Variants in NUB1 observed in about 807,000 individuals in gnomAD.
The protein encoded by NUB1 is negative regulator of ubiquitin like proteins 1, also known as NEDD8 ultimate buster 1.
A neutral mutation model predicts 77.1 loss-of-function variants in NUB1; 41 were observed. The ratio of observed to expected loss-of-function variants is 0.53; its 90% confidence interval spans 0.41 to 0.69. The LOEUF (loss-of-function observed/expected upper bound fraction) is 0.69, where lower values mean the gene tolerates loss of function less well. Among genes scored for constraint, NUB1 ranks in the 30% least tolerant of loss-of-function variants. The pLI is 0.00. For synonymous variants in NUB1, 257 were observed against 281.0 expected, an observed-to-expected ratio of 0.91 and a Z score of 0.85; for missense variants, 643 against 743.8, an observed-to-expected ratio of 0.86 and a Z score of 1.58.
chr7:151,347,564 T>A (rs962409064), intron 2 of NUB1, among the ~76,000 whole-genome samples: 4 of 152,152 alleles, frequency 2.6e-5, no homozygotes, highest in African/African-American at 7.2e-5. Flanking sequence ...CTCAAGTGAT[T>A]CTCCCACCTC....
chr7:151,375,729 C>G, intron 12 of NUB1, 119 bp from the exon 13 acceptor site: 1 of 682,738 alleles, frequency 1.5e-6, no homozygotes, highest in East Asian at 2.7e-5. Context: ...GAGCCCCTTT[C>G]TCTGCCTCAT....
At chr7:151,366,371 C>T (rs1028003307) in intron 8 of NUB1, among the ~76,000 whole-genome samples, 2 of 152,042 alleles carry the variant, frequency 1.3e-5, no homozygotes, top group African/African-American at 2.4e-5. Flanking sequence ...ATTCATAGTA[C>T]GTAGGGATTT....
At position 151,373,970 on chromosome 7, in the gene NUB1, G is replaced by GC. The variant is rs897328976; in HGVS notation, c.1249-122dup. 6.0e-6 allele frequency: 6 copies of GC among 1,002,082 alleles called. No homozygotes were observed. The African/African-American group carries it at 6.5e-5, about 11-fold the overall frequency. 62.1% of individuals were successfully genotyped at this position (1,002,082 alleles called of 1,614,324 possible). A position where few individuals can be genotyped will look rare whatever the true frequency, so the allele number is the denominator to read the frequency against. ...CTGGGTGAGGAGAGGTAGAAAGAGG[G>GC]CCCCCTGTGCTTTGCTTTGGTTTTT... On this transcript the variant is annotated intron_variant, in intron 11 of 14. Transcript: ENST00000568733.
intron 13 of NUB1, chr7:151,376,185 T>C (rs1798227439): frequency 2.0e-6 from 1 of 512,312 alleles, no homozygotes; most frequent in Non-Finnish European, 3.6e-6. Context: ...TTGCTGCCTT[T>C]GTCTATGCAC....
Position 151,377,061 on chromosome 7 carries a change from T to G in NUB1, c.1684T>G (p.Ser562Ala). 6.4e-7 allele frequency: 1 copy of G among 1,560,188 alleles called. No individual in the cohort carries two copies. The highest frequency in any genetic ancestry group is 8.7e-7 in the Non-Finnish European group (1 of 1,155,234). Reference sequence around the variant, plus strand: ...TTTTATTGTAGGAACCTCTAGTGCCTCAACAGACGAAGACATGGAGACAGA... The same window carrying G: ...TTTTATTGTAGGAACCTCTAGTGCCGCAACAGACGAAGACATGGAGACAGA... ...PSDSAGTSSASTDEDMETEAV... is the reference protein window; with the variant it reads ...PSDSAGTSSAATDEDMETEAV... Residue 562 changes from serine (S) to alanine (A), a missense_variant, in exon 15 of 15, where the codon TCA (serine) becomes GCA (alanine). Coordinates refer to ENST00000568733, the MANE Select transcript of NUB1 (RefSeq NM_001243351.2).
rs1245671821 is a variant in NUB1 at position 151,378,023 on chromosome 7, T to TATC, written c.*800_*802dup. The TATC allele has an allele frequency of 6.6e-6, 1 of 152,286 alleles. No individual in the cohort carries two copies. The highest frequency in any genetic ancestry group is 1.9e-4 in the East Asian group (1 of 5,208). 9.4% of individuals were successfully genotyped at this position (152,286 alleles called of 1,614,324 possible). A position where few individuals can be genotyped will look rare whatever the true frequency, so the allele number is the denominator to read the frequency against. On this transcript the variant is annotated 3_prime_UTR_variant, in exon 15 of 15. Coordinates refer to ENST00000568733, the MANE Select transcript of NUB1 (RefSeq NM_001243351.2). Reference sequence around the variant, plus strand: ...TGAACTCACTGCTAGCTAAGAGACCTATCAGAGATTTAGATATATTTTCTC... The same window carrying TATC: ...TGAACTCACTGCTAGCTAAGAGACCTATCATCAGAGATTTAGATATATTTTCTC...
chr7:151,346,825 T>C (rs1401417509), intron 2 of NUB1, among the ~76,000 whole-genome samples: 1 of 152,216 alleles, frequency 6.6e-6, no homozygotes, highest in African/African-American at 2.4e-5. Flanking sequence ...TTCTAGCAAA[T>C]CATGGAACCT....
intron 7 of NUB1, among the ~76,000 whole-genome samples, chr7:151,359,779 AAAAAT>A (rs1019609518): frequency 2.6e-5 from 4 of 152,230 alleles, no homozygotes; most frequent in African/African-American, 9.6e-5. Context: ...TCCGTCTCAA[AAAAAT>A]AAAATAAATA....
chr7:151,375,178 GTACT>G (rs1798158466), intron 12 of NUB1, among the ~76,000 whole-genome samples: 1 of 152,184 alleles, frequency 6.6e-6, no homozygotes, highest in African/African-American at 2.4e-5. Flanking sequence ...CCACAAGTCA[GTACT>G]TTTGTAACTA....
chr7:151,361,023 C>T (rs1797354374), intron 8 of NUB1: 2 of 120,432 alleles, frequency 1.7e-5, no homozygotes, highest in African/African-American at 5.9e-5. Flanking sequence ...TCATGTGATC[C>T]TCCTGCCTTG....
chr7:151,349,208 A>T lies in NUB1; in HGVS notation c.253A>T (p.Ile85Phe). ...DNYRTTGIAT[I>F]EVFLPPRLKK... ...TTATAGAACAACGGGAATTGCTACA[A>T]TCGAGGTGTTTTTACCACCAAGACT... Residue 85 changes from isoleucine to phenylalanine, a missense_variant, in exon 3 of 15, where the codon ATC (isoleucine) becomes TTC (phenylalanine). Ile to Phe is a conservative substitution (Grantham distance 21). Transcript: ENST00000568733. 6.2e-7 allele frequency: 1 copy of T among 1,612,226 alleles called. No individual in the cohort carries two copies. Among genetic ancestry groups the T allele is most frequent in the Non-Finnish European group, 8.5e-7 (1 of 1,179,352 alleles).
chr7:151,343,600 C>G (rs77761377), intron 1 of NUB1, among the ~76,000 whole-genome samples: 6,995 of 152,256 alleles, frequency 0.046, 296 homozygotes, highest in East Asian at 0.25. Context: ...CTGTGCTACA[C>G]CTGCCAGCTG....
chr7:151,355,351 A>G (rs1797015921), intron 5 of NUB1, among the ~76,000 whole-genome samples: 1 of 152,200 alleles, frequency 6.6e-6, no homozygotes, highest in Admixed American at 6.5e-5. Context: ...ATTTTTACCA[A>G]TTATGTGGCG....
At chr7:151,368,389 G>A (rs1031187045) in intron 10 of NUB1, among the ~76,000 whole-genome samples, 5 of 152,174 alleles carry the variant, frequency 3.3e-5, no homozygotes, top group South Asian at 2.1e-4. Flanking sequence ...CATTGACTTC[G>A]ACTTCACTAC....
intron 7 of NUB1, among the ~76,000 whole-genome samples, chr7:151,357,025 GTTTTT>G (rs1162840622): frequency 6.6e-6 from 1 of 151,694 alleles, no homozygotes; most frequent in Non-Finnish European, 1.5e-5. Context: ...CCGTGTTTTT[GTTTTT>G]TTAAGACACA....
chr7:151,369,917 A>G (rs900448893), intron 11 of NUB1, among the ~76,000 whole-genome samples: 38 of 152,296 alleles, frequency 2.5e-4, no homozygotes, highest in African/African-American at 8.7e-4. Context: ...TGCCTACCTG[A>G]TGCCAGAGAG....
intron 7 of NUB1, 146 bp downstream of exon 7, chr7:151,356,368 T>C (rs1797063910): frequency 1.5e-6 from 1 of 666,492 alleles, no homozygotes; most frequent in African/African-American, 1.8e-5. Flanking sequence ...TGTCACCACG[T>C]GGTGAGCACT....
At chr7:151,346,136 C>T (rs1373025138) in intron 2 of NUB1, among the ~76,000 whole-genome samples, 1 of 152,166 alleles carries the variant, frequency 6.6e-6, no homozygotes, top group Admixed American at 6.5e-5. Context: ...TAAGGATTGT[C>T]ATGAGGCATT....
rs914306281 is a variant in NUB1, at chr7:151,376,764, C to CAGA, written c.1626_1628dup (p.Glu542dup). 2 of 1,595,666 alleles carry CAGA rather than the reference C, an allele frequency of 1.3e-6. No homozygotes were observed. Among genetic ancestry groups the CAGA allele is most frequent in the African/African-American group, 2.7e-5 (2 of 74,670 alleles). On this transcript the variant is annotated inframe_insertion, in exon 14 of 15. Coordinates refer to ENST00000568733, the MANE Select transcript of NUB1 (RefSeq NM_001243351.2). ...CTGCCTCCCGAGCTGCCGCTGTCGC[C>CAGA]AGAAGACTCTTTGTCCCCGCCAGCC...
Sources: allele counts gnomAD v4.1 joint callset (sites outside exome capture counted in the v4.1 genomes callset), GRCh38; gene constraint gnomAD v4.1.1; transcripts MANE v1.5; gene names NCBI Gene and HGNC (gene_info 2026-07-23, HGNC 2026-07-21).